ASTN2: variants seen among roughly 807,000 people sequenced by gnomAD.
The protein encoded by ASTN2 is astrotactin-2.
A neutral mutation model predicts 139.8 loss-of-function variants in ASTN2; 54 were observed. That is an observed-to-expected ratio of 0.39 (90% CI 0.31 to 0.48). The LOEUF (loss-of-function observed/expected upper bound fraction) is 0.48. Ranked by LOEUF, ASTN2 falls within the 20% of genes least tolerant of loss-of-function variation. ASTN2 has a pLI of 0.95. For synonymous variants in ASTN2, 756 were observed against 719.5 expected (o/e 1.05, Z -0.81); for missense variants, 1,565 against 1,725.1 (o/e 0.91, Z 1.64).
At chr9:116,819,324 G>C (rs1210965990) in intron 12 of ASTN2, among the ~76,000 whole-genome samples, 1 of 152,152 alleles carries the variant, frequency 6.6e-6, no homozygotes, top group Middle Eastern at 3.2e-3. Context: ...ACACTGCCCT[G>C]CAGTCACTTA....
intron 19 of ASTN2, chr9:116,547,759 C>T (rs1852161108): frequency 6.6e-6 from 1 of 152,186 alleles, no homozygotes; most frequent in Non-Finnish European, 1.5e-5. Flanking sequence ...TAACCAGTGT[C>T]TGAGAGGAGG....
At chr9:117,190,433 C>T (rs752114617) in intron 3 of ASTN2, among the ~76,000 whole-genome samples, 42 of 152,142 alleles carry the variant, frequency 2.8e-4, no homozygotes, top group Admixed American at 1.3e-4. Context: ...GTCCAAATCA[C>T]TCCTTCTCAG....
At chr9:116,755,548 G>A (rs932932149) in intron 13 of ASTN2, among the ~76,000 whole-genome samples, 1 of 152,190 alleles carries the variant, frequency 6.6e-6, no homozygotes, top group Non-Finnish European at 1.5e-5. Context: ...AACCAGCCCC[G>A]CTAATGTCTT....
intron 19 of ASTN2, among the ~76,000 whole-genome samples, chr9:116,499,157 T>C (rs1849770608): frequency 6.6e-6 from 1 of 152,240 alleles, no homozygotes; most frequent in Admixed American, 6.5e-5. Context: ...TGATAATTTG[T>C]AGTTACTGTG....
intron 3 of ASTN2, among the ~76,000 whole-genome samples, chr9:117,192,136 G>A (rs1410481667): frequency 6.6e-6 from 1 of 151,978 alleles, no homozygotes; most frequent in Non-Finnish European, 1.5e-5. Flanking sequence ...TCAGAGGATG[G>A]CTATCAGGGG....
At chr9:117,352,195 A>C (rs1829413078) in intron 1 of ASTN2, among the ~76,000 whole-genome samples, 1 of 152,146 alleles carries the variant, frequency 6.6e-6, no homozygotes, top group Admixed American at 6.5e-5. Context: ...CTCTCATGAG[A>C]ATTTCTAATC....
chr9:117,149,473 G>A (rs1181347044), intron 3 of ASTN2, among the ~76,000 whole-genome samples: 1 of 152,034 alleles, frequency 6.6e-6, no homozygotes, highest in African/African-American at 2.4e-5. Flanking sequence ...TCTTGGTTCT[G>A]TTTCTCTAAA....
At position 116,691,235 on chromosome 9, in the gene ASTN2, A is replaced by G. The variant is rs114572089; in HGVS notation, c.2806+34536T>C. ...AGGATCTCCTTGATCCTTTAATCAT[A>G]ATCTCATGATTAAATGAACAGATGT... is the stretch of plus-strand genomic sequence containing the variant. On this transcript the variant is annotated intron_variant, in intron 16 of 22. Coordinates refer to ENST00000313400, the MANE Select transcript of ASTN2 (RefSeq NM_001365068.1). 6.3e-3 allele frequency among the ~76,000 whole-genome samples: 962 copies of G among 152,296 alleles called. 11 individuals carry two copies. Among genetic ancestry groups the G allele is most frequent in the African/African-American group, 0.02 (838 of 41,554 alleles).
chr9:116,747,693 G>GCACACACA lies in ASTN2; in HGVS notation c.2397-14178_2397-14171dup, dbSNP rs56265727. On this transcript the variant is annotated intron_variant, in intron 13 of 22. Transcript: ENST00000313400. ...CTCATTTATACACAGGTGTGCATGA[G>GCACACACA]CACACACACACACACACACACACAC... Among the ~76,000 whole-genome samples the GCACACACA allele has an allele frequency of 6.9e-3, 1,025 of 149,146 alleles. 37 individuals are homozygous for GCACACACA. The South Asian group carries it at 0.13, about 18-fold the overall frequency.
At position 117,388,213 on chromosome 9, in the gene ASTN2, C is replaced by T. The variant is rs1588003915; in HGVS notation, c.442+26284G>A. Among the ~76,000 whole-genome samples, 4 of 152,218 alleles carry T rather than the reference C, an allele frequency of 2.6e-5. No individual in the cohort carries two copies. The South Asian group carries it at 8.3e-4, about 31-fold the overall frequency. On this transcript the variant is annotated intron_variant, in intron 1 of 22. Coordinates refer to ENST00000313400, the MANE Select transcript of ASTN2 (RefSeq NM_001365068.1). ...CTCTGAGGTCCTAATGAGCACATGT[C>T]TTGCTTTTTCTACCCAACAATATTT...
At chr9:117,327,707 G>A (rs113131860) in intron 1 of ASTN2, among the ~76,000 whole-genome samples, 17 of 152,162 alleles carry the variant, frequency 1.1e-4, no homozygotes, top group African/African-American at 3.6e-4. Context: ...GAAGTCCCTA[G>A]GGAGGTTGTG....
intron 2 of ASTN2, among the ~76,000 whole-genome samples, chr9:117,221,975 C>T (rs146239491): frequency 5.5e-4 from 84 of 152,216 alleles, no homozygotes; most frequent in African/African-American, 1.7e-3. Context: ...GCTAAGGAAA[C>T]GTGAATTGTG....
chr9:116,781,554 C>T (rs959356423), intron 13 of ASTN2, among the ~76,000 whole-genome samples: 8 of 152,024 alleles, frequency 5.3e-5, no homozygotes, highest in South Asian at 2.1e-4. Context: ...AAAAGTCTTA[C>T]GGGTGTGGAG....
chr9:117,235,588 A>C (rs1833021983), intron 2 of ASTN2, among the ~76,000 whole-genome samples: 1 of 152,182 alleles, frequency 6.6e-6, no homozygotes, highest in Non-Finnish European at 1.5e-5. Context: ...ACAAAATGGC[A>C]TTTGCACAGT....
intron 20 of ASTN2, among the ~76,000 whole-genome samples, chr9:116,465,518 G>C (rs931183798): frequency 2.0e-5 from 3 of 152,158 alleles, no homozygotes; most frequent in Non-Finnish European, 4.4e-5. Flanking sequence ...TGACATAAAA[G>C]GGGGGAAGAG....
intron 13 of ASTN2, among the ~76,000 whole-genome samples, chr9:116,796,805 T>C (rs917448235): frequency 6.6e-6 from 1 of 152,106 alleles, no homozygotes; most frequent in African/African-American, 2.4e-5. Flanking sequence ...CACTAAGATA[T>C]GTTAAATGTT....
chr9:116,433,509 C>T (rs1847559087), intron 22 of ASTN2, among the ~76,000 whole-genome samples: 1 of 152,066 alleles, frequency 6.6e-6, no homozygotes, highest in Non-Finnish European at 1.5e-5. Flanking sequence ...GATTATGTGG[C>T]CCAGAGGTGC....
At chr9:117,331,712 C>T (rs963449041) in intron 1 of ASTN2, among the ~76,000 whole-genome samples, 1 of 152,150 alleles carries the variant, frequency 6.6e-6, no homozygotes, top group African/African-American at 2.4e-5. Flanking sequence ...GAACTTTTGA[C>T]TCTGATAGCA....
intron 5 of ASTN2, among the ~76,000 whole-genome samples, chr9:117,087,457 G>A (rs767128282): frequency 6.6e-6 from 1 of 152,068 alleles, no homozygotes; most frequent in Non-Finnish European, 1.5e-5. Flanking sequence ...GGAACTCCCA[G>A]GCTTAAGTAA....
Sources: allele counts gnomAD v4.1 joint callset (sites outside exome capture counted in the v4.1 genomes callset), GRCh38; gene constraint gnomAD v4.1.1; transcripts MANE v1.5; gene names NCBI Gene and HGNC (gene_info 2026-07-23, HGNC 2026-07-21).